PTAFR: variants seen among roughly 807,000 people sequenced by gnomAD.
PTAFR encodes the protein platelet activating factor receptor, also known as platelet-activating factor receptor.
A neutral mutation model predicts 14.7 loss-of-function variants in PTAFR; 8 were observed. The ratio of observed to expected loss-of-function variants is 0.54; its 90% CI spans 0.32 to 0.98. The LOEUF is 0.98. Among genes scored for constraint, PTAFR ranks in the 50% least tolerant of loss-of-function variants. PTAFR has a pLI of 0.04. For synonymous variants in PTAFR, 156 were observed against 176.5 expected (o/e 0.88, Z 0.92); for missense variants, 337 against 451.2 (o/e 0.75, Z 2.29).
At chr1:28,190,173 T>C (rs544674218) in intron 1 of PTAFR, among the ~76,000 whole-genome samples, 13 of 151,934 alleles carry the variant, frequency 8.6e-5, no homozygotes, top group Admixed American at 2.6e-4. Flanking sequence ...GGTTTCTCCA[T>C]GTTGGTCACG....
chr1:28,183,411 T>G (rs1435494094), intron 1 of PTAFR, among the ~76,000 whole-genome samples: 1 of 152,170 alleles, frequency 6.6e-6, no homozygotes, highest in African/African-American at 2.4e-5. Context: ...AATTAAATAT[T>G]ATAAGTAAGG....
At chr1:28,161,678 G>A (rs774158396) in intron 1 of PTAFR, among the ~76,000 whole-genome samples, 4 of 152,116 alleles carry the variant, frequency 2.6e-5, no homozygotes, top group Non-Finnish European at 2.9e-5. Context: ...GACCAGGAAA[G>A]GCTTCTTGGA....
At chr1:28,165,974 T>C (rs1646381157) in intron 1 of PTAFR, among the ~76,000 whole-genome samples, 1 of 152,192 alleles carries the variant, frequency 6.6e-6, no homozygotes, top group Non-Finnish European at 1.5e-5. Context: ...GTAAAATTCA[T>C]ATGAAACCTC....
chr1:28,172,604 T>C (rs1016310500), intron 1 of PTAFR, among the ~76,000 whole-genome samples: 1 of 152,216 alleles, frequency 6.6e-6, no homozygotes, highest in African/African-American at 2.4e-5. Context: ...TCAATAACTG[T>C]GAACTCCCTT....
At chr1:28,176,082 T>C (rs965373834) in intron 1 of PTAFR, among the ~76,000 whole-genome samples, 4 of 152,050 alleles carry the variant, frequency 2.6e-5, no homozygotes, top group South Asian at 2.1e-4. Context: ...CCAGGAATGT[T>C]TGGACACTAG....
chr1:28,176,030 C>T (rs1319660126), intron 1 of PTAFR, among the ~76,000 whole-genome samples: 1 of 152,140 alleles, frequency 6.6e-6, no homozygotes, highest in East Asian at 1.9e-4. Context: ...GGGGTCAGCA[C>T]TGCCCCAGCC....
rs111542573 is a variant in PTAFR, at chr1:28,150,306, G to A, written c.716C>T (p.Ala239Val). 6.6e-5 allele frequency: 106 copies of A among 1,613,344 alleles called. No individual in the cohort carries two copies. Among genetic ancestry groups the A allele is most frequent in the African/African-American group, 1.1e-4 (8 of 75,064 alleles). ...RALWMVCTVL[A>V]VFIICFVPHH... ...GGGCACGAAGCAGATGATGAACACC[G>A]CCAAGACCGTGCACACCATCCACAG... The change falls in exon 2 of 2, where the codon GCG becomes GTG. Residue 239 changes from alanine to valine, a missense_variant. Ala to Val is a moderately conservative substitution (Grantham distance 64, BLOSUM62 0). Transcript: ENST00000373857. The surrounding 1 kb of genome is among the most constrained non-coding windows in gnomAD (Gnocchi z 6.3).
intron 1 of PTAFR, among the ~76,000 whole-genome samples, chr1:28,156,818 C>T (rs762877033): frequency 4.6e-5 from 7 of 152,130 alleles, no homozygotes; most frequent in Non-Finnish European, 1.0e-4. Flanking sequence ...CTGGTTATAC[C>T]TTCTTGCCTT....
intron 1 of PTAFR, among the ~76,000 whole-genome samples, chr1:28,173,397 G>A (rs1021220103): frequency 2.0e-5 from 3 of 151,902 alleles, no homozygotes; most frequent in African/African-American, 7.3e-5. Flanking sequence ...CTTGAGCACG[G>A]GAGTTCAAGA....
At chr1:28,174,342 A>G (rs1249953633) in intron 1 of PTAFR, among the ~76,000 whole-genome samples, 1 of 152,012 alleles carries the variant, frequency 6.6e-6, no homozygotes, top group Non-Finnish European at 1.5e-5. Context: ...ACCAAGAAAG[A>G]GAATGCCATC....
intron 1 of PTAFR, among the ~76,000 whole-genome samples, chr1:28,171,141 G>A (rs891894463): frequency 1.3e-5 from 2 of 151,970 alleles, no homozygotes; most frequent in African/African-American, 4.8e-5. Flanking sequence ...TGGCCAACAT[G>A]ACGAAACCCC....
upstream of PTAFR, among the ~76,000 whole-genome samples, chr1:28,180,342 T>C (rs968534996): frequency 6.6e-6 from 1 of 152,144 alleles, no homozygotes; most frequent in African/African-American, 2.4e-5. Flanking sequence ...ATCAAGCCAC[T>C]GCTCTCCACC....
upstream of PTAFR, among the ~76,000 whole-genome samples, chr1:28,177,806 G>A (rs1203241560): frequency 6.6e-6 from 1 of 152,024 alleles, no homozygotes; most frequent in Admixed American, 6.6e-5. Flanking sequence ...CAGGTGAAGA[G>A]GGGTGGACAA....
chr1:28,180,491 G>C (rs1430266144), upstream of PTAFR, among the ~76,000 whole-genome samples: 1 of 152,116 alleles, frequency 6.6e-6, no homozygotes, highest in African/African-American at 2.4e-5. Context: ...ACATCTTATC[G>C]GCACCGCCAG....
chr1:28,184,219 A>G (rs1646587538), intron 1 of PTAFR, among the ~76,000 whole-genome samples: 1 of 150,032 alleles, frequency 6.7e-6, no homozygotes, highest in African/African-American at 2.5e-5. Context: ...CAGCCTCCCA[A>G]GTAGCTACAA....
At chr1:28,151,109 G>C (rs1646181970) in intron 1 of PTAFR, 50 bp from the exon 2 acceptor site, 1 of 1,064,040 alleles carries the variant, frequency 9.4e-7, no homozygotes, top group Admixed American at 2.7e-5. Context: ...AGAAGGGACT[G>C]TTCCATTTCA....
chr1:28,167,589 T>C, intron 1 of PTAFR, among the ~76,000 whole-genome samples: 1 of 150,824 alleles, frequency 6.6e-6, no homozygotes, highest in East Asian at 2.0e-4. Flanking sequence ...GACCCAACAG[T>C]TCCGCTCTGG....
chr1:28,178,950 C>T (rs1646541154), upstream of PTAFR, among the ~76,000 whole-genome samples: 1 of 151,868 alleles, frequency 6.6e-6, no homozygotes, highest in South Asian at 2.1e-4. Context: ...CCCAGGAGTT[C>T]GAGACCAGCC....
At chr1:28,151,172 T>A in intron 1 of PTAFR, 113 bp from the exon 2 acceptor site, 1 of 632,780 alleles carries the variant, frequency 1.6e-6, no homozygotes, top group Non-Finnish European at 2.7e-6. Context: ...CCTCAGAAGT[T>A]CATGTTGAAT....
Sources: allele counts gnomAD v4.1 joint callset (sites outside exome capture counted in the v4.1 genomes callset), GRCh38; gene constraint gnomAD v4.1.1; non-coding constraint Gnocchi (gnomAD v3.1); transcripts MANE v1.5; gene names NCBI Gene and HGNC (gene_info 2026-07-23, HGNC 2026-07-21).